C1orf21: variants seen among roughly 807,000 people sequenced by gnomAD.
The protein encoded by C1orf21 is chromosome 1 open reading frame 21, also known as uncharacterized protein C1orf21.
A neutral mutation model predicts 18.7 loss-of-function variants in C1orf21; 3 were observed. The observed-to-expected ratio is 0.16, with a 90% CI of 0.07 to 0.42. C1orf21 has a LOEUF of 0.42. Ranked by LOEUF, C1orf21 falls within the 10% of genes least tolerant of loss-of-function variation. The probability of loss-of-function intolerance (pLI) is 0.99; values close to 1 mark genes in which losing one functional copy is unlikely to be tolerated. For missense variants in C1orf21, 104 were observed against 143.6 expected (o/e 0.72, Z 1.41); for synonymous variants, 41 against 46.4 (o/e 0.88, Z 0.47).
intron 3 of C1orf21, 47 bp from the exon 4 acceptor site, chr1:184,590,692 G>A (rs1302131211): frequency 6.5e-7 from 1 of 1,536,546 alleles, no homozygotes; most frequent in South Asian, 1.1e-5. Context: ...TTGTTTAATT[G>A]TGGATTCTAA....
At chr1:184,560,649 G>A (rs1003757793) in intron 3 of C1orf21, among the ~76,000 whole-genome samples, 1 of 152,092 alleles carries the variant, frequency 6.6e-6, no homozygotes, top group Non-Finnish European at 1.5e-5. Flanking sequence ...TGGGGGAGAC[G>A]ATCAGCTTCC....
At chr1:184,495,222 C>T (rs1032985737) in intron 2 of C1orf21, among the ~76,000 whole-genome samples, 2 of 152,114 alleles carry the variant, frequency 1.3e-5, no homozygotes, top group Non-Finnish European at 2.9e-5. Flanking sequence ...CTTCCCCCCG[C>T]AACATAGACT....
intron 1 of C1orf21, among the ~76,000 whole-genome samples, chr1:184,427,230 G>A (rs1277256527): frequency 1.3e-5 from 2 of 152,252 alleles, no homozygotes; most frequent in Admixed American, 6.5e-5. Flanking sequence ...CCTTGTTAGT[G>A]CCTAGTGCTT....
At chr1:184,458,123 C>T (rs538680724) in intron 1 of C1orf21, among the ~76,000 whole-genome samples, 4 of 152,242 alleles carry the variant, frequency 2.6e-5, no homozygotes, top group South Asian at 2.1e-4. Context: ...TACGTTCCTT[C>T]GCCTGACCCG....
chr1:184,569,819 G>A (rs1484147672), intron 3 of C1orf21, among the ~76,000 whole-genome samples: 1 of 152,248 alleles, frequency 6.6e-6, no homozygotes, highest in Non-Finnish European at 1.5e-5. Context: ...GGTTGGTAAA[G>A]GACTTACTGT....
rs1660018806 is a variant in C1orf21, at chr1:184,626,814, T to C, written c.*7258T>C. 6.6e-6 allele frequency: 1 copy of C among 152,494 alleles called. No homozygotes were observed. The highest frequency in any genetic ancestry group is 2.1e-4 in the South Asian group (1 of 4,834). The allele number at this position is 152,494 out of a possible 1,614,324, so 9.4% of individuals were successfully genotyped here. A position where few individuals can be genotyped will look rare whatever the true frequency, so the allele number is the denominator to read the frequency against. ...CTGGTTTGGAGACAAAGGGGACAGCTCTGGGTCAGCATGACCTTCTTTAGA... is the reference window on the plus strand; with the variant it reads ...CTGGTTTGGAGACAAAGGGGACAGCCCTGGGTCAGCATGACCTTCTTTAGA... On this transcript the variant is annotated 3_prime_UTR_variant, in exon 6 of 6. Transcript: ENST00000235307.
intron 1 of C1orf21, among the ~76,000 whole-genome samples, chr1:184,415,966 A>G (rs1392911387): frequency 1.3e-5 from 2 of 152,144 alleles, no homozygotes; most frequent in East Asian, 1.9e-4. Flanking sequence ...TCTCAGGAAT[A>G]TAATCGGGAA....
chr1:184,410,955 A>G (rs1394146504), intron 1 of C1orf21, among the ~76,000 whole-genome samples: 6 of 151,380 alleles, frequency 4.0e-5, no homozygotes, highest in Non-Finnish European at 8.8e-5. Flanking sequence ...CCTGGCCTCG[A>G]AAATATTTTC....
intron 1 of C1orf21, among the ~76,000 whole-genome samples, chr1:184,461,844 A>G (rs1043867663): frequency 9.9e-5 from 15 of 152,176 alleles, no homozygotes; most frequent in African/African-American, 3.4e-4. Flanking sequence ...GGTTGATTAA[A>G]AAAAAACAAA....
intron 1 of C1orf21, among the ~76,000 whole-genome samples, chr1:184,422,603 T>G (rs554797047): frequency 6.6e-6 from 1 of 152,322 alleles, no homozygotes; most frequent in Non-Finnish European, 1.5e-5. Context: ...CACTAGAACC[T>G]TGCTAGGCGG....
chr1:184,451,473 T>A (rs1448045873), intron 1 of C1orf21, among the ~76,000 whole-genome samples: 65 of 147,308 alleles, frequency 4.4e-4, no homozygotes, highest in African/African-American at 1.4e-3. Context: ...TTTTTTTTTT[T>A]TTTTTTTTTT....
chr1:184,549,360 A>G (rs1658779892), intron 3 of C1orf21, among the ~76,000 whole-genome samples: 1 of 152,222 alleles, frequency 6.6e-6, no homozygotes, highest in Admixed American at 6.5e-5. Flanking sequence ...AAGTAGAATC[A>G]TTAAGAAATC....
chr1:184,414,649 C>G (rs1174185669), intron 1 of C1orf21, among the ~76,000 whole-genome samples: 1 of 152,082 alleles, frequency 6.6e-6, no homozygotes, highest in African/African-American at 2.4e-5. Context: ...ATCAGACAGC[C>G]TAACCAAACT....
intron 5 of C1orf21, among the ~76,000 whole-genome samples, chr1:184,614,819 G>A (rs766302356): frequency 2.0e-4 from 30 of 152,110 alleles, no homozygotes; most frequent in Non-Finnish European, 3.7e-4. Context: ...AGTAGTGTTC[G>A]TGCTCCTATG....
chr1:184,450,980 C>T (rs998945886), intron 1 of C1orf21, among the ~76,000 whole-genome samples: 2 of 152,058 alleles, frequency 1.3e-5, no homozygotes, highest in Non-Finnish European at 2.9e-5. Context: ...TGGGTTCAAG[C>T]GATTCTCCAA....
chr1:184,591,161 C>T (rs1659431268), intron 4 of C1orf21, among the ~76,000 whole-genome samples: 1 of 152,072 alleles, frequency 6.6e-6, no homozygotes. Context: ...AACCAATCCC[C>T]CACAGATACC....
intron 1 of C1orf21, among the ~76,000 whole-genome samples, chr1:184,468,648 G>A (rs6668105): frequency 0.068 from 10,315 of 152,260 alleles, 1,161 homozygotes; most frequent in African/African-American, 0.24. Flanking sequence ...GCTGGGCAGA[G>A]TGGCTCATGC....
chr1:184,580,629 T>TGGGACGTTGTTATG (rs1659262534), intron 3 of C1orf21, among the ~76,000 whole-genome samples: 1 of 152,258 alleles, frequency 6.6e-6, no homozygotes, highest in South Asian at 2.1e-4. Flanking sequence ...CTGATTTCTT[T>TGGGACGTTGTTATG]GGGACGTTGT....
intron 1 of C1orf21, among the ~76,000 whole-genome samples, chr1:184,401,540 A>G (rs556564269): frequency 6.6e-6 from 1 of 152,120 alleles, no homozygotes; most frequent in Non-Finnish European, 1.5e-5. Flanking sequence ...TTTATTTTAT[A>G]TTAGGGATAA....
Sources: allele counts gnomAD v4.1 joint callset (sites outside exome capture counted in the v4.1 genomes callset), GRCh38; gene constraint gnomAD v4.1.1; transcripts MANE v1.5; gene names NCBI Gene and HGNC (gene_info 2026-07-23, HGNC 2026-07-21).